The following SLC38A8 variants were observed in gnomAD, a reference collection of about 807,000 sequenced individuals.
The protein encoded by SLC38A8 is amino acid transporter SLC38A8.
SLC38A8 carries 65 observed loss-of-function variants against 46.0 expected under a neutral mutation model. The ratio of observed to expected loss-of-function variants is 1.41; its 90% confidence interval spans 1.16 to 1.74. SLC38A8 has a LOEUF of 1.74. SLC38A8 is among the 40% of genes most tolerant of loss of function. The probability of loss-of-function intolerance (pLI) is 0.00; values close to 1 mark genes in which losing one functional copy is unlikely to be tolerated. For missense variants in SLC38A8, 998 were observed against 567.9 expected (o/e 1.76, Z -7.70); for synonymous variants, 447 against 243.7 (o/e 1.83, Z -7.77).
At chr16:84,027,988 A>T (rs562804661) in intron 6 of SLC38A8, among the ~76,000 whole-genome samples, 2 of 152,174 alleles carry the variant, frequency 1.3e-5, no homozygotes, top group South Asian at 4.1e-4. Context: ...TGGCTTGCTG[A>T]GGCCCTGAAG....
chr16:84,040,435 G>T (rs2085354951), intron 2 of SLC38A8, among the ~76,000 whole-genome samples: 1 of 152,182 alleles, frequency 6.6e-6, no homozygotes, highest in African/African-American at 2.4e-5. Flanking sequence ...GGCCCACCCA[G>T]CCCTGCAGGG....
intron 9 of SLC38A8, among the ~76,000 whole-genome samples, chr16:84,014,201 G>A (rs116905648): frequency 4.0e-5 from 6 of 151,366 alleles, no homozygotes; most frequent in East Asian, 2.0e-4. Context: ...GCCAAGGGAG[G>A]AGCTGTGTAG....
intron 10 of SLC38A8, among the ~76,000 whole-genome samples, chr16:84,011,316 C>T (rs181621738): frequency 2.6e-5 from 4 of 152,326 alleles, no homozygotes; most frequent in Admixed American, 2.6e-4. Context: ...AGCATGAAGA[C>T]TCCGAAAAGC....
rs141831459 is a variant in SLC38A8 at position 84,039,177 on chromosome 16, A to G, written c.190-2277T>C. On this transcript the variant is annotated intron_variant, in intron 2 of 10. Transcript: ENST00000299709. ...CACCAGGAGCTCGAAGAGCCTTTGG[A>G]GGGAGCGAAGCCCTGCTGACACCTT... Among the ~76,000 whole-genome samples, 346 of 152,252 alleles carry G rather than the reference A, an allele frequency of 2.3e-3. 2 individuals are homozygous for G. Among genetic ancestry groups the G allele is most frequent in the African/African-American group, 8.2e-3 (340 of 41,550 alleles).
intron 6 of SLC38A8, 56 bp from the exon 7 acceptor site, chr16:84,022,945 C>CG (rs1162638087): frequency 3.9e-6 from 5 of 1,288,292 alleles, no homozygotes; most frequent in Non-Finnish European, 5.3e-6. Flanking sequence ...ACAGGCGATG[C>CG]GAAAAAAAAC....
rs1474748236 is a variant in SLC38A8, at chr16:84,016,559, G to A, written c.1122C>T (p.Ile374=). The change falls in exon 9 of 11, where the codon ATC becomes ATT. Residue 374 remains isoleucine (I), a synonymous_variant. Transcript: ENST00000299709. The part of the protein sequence containing the change: ...FMPDLSEIVS[I]IGGISSFFIF... ...TGAAGAAGGAACTGATGCCTCCGAT[G>A]ATGCTGACGATCTCGCTGAGGTCAG... is the stretch of plus-strand genomic sequence containing the variant. The A allele has an allele frequency of 4.3e-6, 7 of 1,614,108 alleles. No individual in the cohort carries two copies. The highest frequency in any genetic ancestry group is 5.9e-6 in the Non-Finnish European group (7 of 1,180,030).
intron 6 of SLC38A8, among the ~76,000 whole-genome samples, chr16:84,024,678 G>A (rs1413440839): frequency 6.6e-6 from 1 of 152,054 alleles, no homozygotes; most frequent in African/African-American, 2.4e-5. Context: ...TTACTTGGGA[G>A]GCTAAGGCAG....
Position 84,016,650 on chromosome 16 carries a change from A to G in SLC38A8, c.1031T>C (p.Leu344Pro), listed in dbSNP as rs775821503. 2 of 1,613,906 alleles carry G rather than the reference A, an allele frequency of 1.2e-6. No homozygotes were observed. The highest frequency in any genetic ancestry group is 3.3e-5 in the Admixed American group (2 of 60,026). ...GPSALADPSG[L>P]WVRMPLTILW... ...GATGGTCAGCGGCATCCGGACCCAC[A>G]GCCCTGAGGGGTCGGCCAGGGCGCT... Residue 344 changes from leucine to proline, a missense_variant, in exon 9 of 11, where the codon CTG (leucine) becomes CCG (proline). Leu to Pro is a moderately conservative substitution (Grantham distance 98, BLOSUM62 -3). Coordinates refer to ENST00000299709, the MANE Select transcript of SLC38A8 (RefSeq NM_001080442.3).
At chr16:84,010,888 G>A (rs1278082206) in intron 10 of SLC38A8, among the ~76,000 whole-genome samples, 1 of 152,168 alleles carries the variant, frequency 6.6e-6, no homozygotes, top group South Asian at 2.1e-4. Flanking sequence ...TCTCAGAGGG[G>A]TAGGGGACGA....
In SLC38A8 at chr16:84,033,445, G is replaced by T. The variant is rs1271843282; in HGVS notation, c.413C>A (p.Thr138Asn). Reference protein sequence around the residue: ...EKLCDSLLSGTPPAPQPWYAD... With the variant: ...EKLCDSLLSGNPPAPQPWYAD... The stretch of plus-strand genomic sequence containing the variant: ...GTACCACGGCTGCGGGGCGGGCGGG[G>T]TGCCAGACAGGAGGGAGTCACACAC... Residue 138 changes from threonine (T) to asparagine (N), a missense_variant, in exon 4 of 11, where the codon ACC becomes AAC. By Grantham distance (65) the Thr-to-Asn change is moderately conservative. Transcript: ENST00000299709. 6.2e-7 allele frequency: 1 copy of T among 1,609,508 alleles called. No homozygotes were observed. Among genetic ancestry groups the T allele is most frequent in the Admixed American group, 1.7e-5 (1 of 59,660 alleles).
Position 84,029,522 on chromosome 16 carries a change from A to T in SLC38A8, c.662T>A (p.Val221Asp), listed in dbSNP as rs191193863. Reference protein sequence around the residue: ...SPASWTSVFSVFPTICFGFQC... With the variant: ...SPASWTSVFSDFPTICFGFQC... ...AAACCCGAAGCAGATGGTGGGGAAG[A>T]CACTGAACACAGAGGTCCAGGAGGC... Residue 221 changes from valine to aspartate, a missense_variant, in exon 6 of 11, where the codon GTC (valine) becomes GAC (aspartate). Val to Asp is a radical substitution (Grantham distance 152). Coordinates refer to ENST00000299709, the MANE Select transcript of SLC38A8 (RefSeq NM_001080442.3). 78 of 1,614,172 alleles carry T rather than the reference A, an allele frequency of 4.8e-5. No individual in the cohort carries two copies. In the East Asian group the frequency reaches 1.4e-3, roughly 30 times the overall value.
chr16:84,034,614 C>T (rs2085281266), intron 3 of SLC38A8, among the ~76,000 whole-genome samples: 2 of 152,190 alleles, frequency 1.3e-5, no homozygotes, highest in South Asian at 2.1e-4. Context: ...TTTGTTCTCA[C>T]TCAACAAGGG....
chr16:84,028,733 C>T (rs1487124282), intron 6 of SLC38A8, among the ~76,000 whole-genome samples: 2 of 143,228 alleles, frequency 1.4e-5, no homozygotes, highest in Middle Eastern at 3.5e-3. Context: ...TGCCACAGAG[C>T]CCTCTGCAGG....
intron 3 of SLC38A8, among the ~76,000 whole-genome samples, chr16:84,035,738 G>A (rs1410178075): frequency 6.6e-6 from 1 of 152,214 alleles, no homozygotes; most frequent in Admixed American, 6.5e-5. Context: ...TAATGCCAGA[G>A]ATAAAGAATA....
At chr16:84,038,692 C>T (rs2085330614) in intron 2 of SLC38A8, among the ~76,000 whole-genome samples, 1 of 152,232 alleles carries the variant, frequency 6.6e-6, no homozygotes, top group South Asian at 2.1e-4. Context: ...AACATCGCCA[C>T]ACCCCGGACG....
At chr16:84,041,583 G>A (rs773403057) in intron 2 of SLC38A8, among the ~76,000 whole-genome samples, 18 of 152,182 alleles carry the variant, frequency 1.2e-4, no homozygotes, top group Non-Finnish European at 2.2e-4. Flanking sequence ...AAAGGGCTGC[G>A]ATTATAGGCA....
At position 84,016,574 on chromosome 16, in the gene SLC38A8, G is replaced by C. The variant is rs61742702; in HGVS notation, c.1107C>G (p.Ser369Arg). Residue 369 changes from serine to arginine, a missense_variant, in exon 9 of 11, where the codon AGC becomes AGG. Coordinates refer to ENST00000299709, the MANE Select transcript of SLC38A8 (RefSeq NM_001080442.3). ...TGCCTCCGATGATGCTGACGATCTC[G>C]CTGAGGTCAGGCATAAACAGCGCCA... ...LAMALFMPDL[S>R]EIVSIIGGIS... is the part of the protein sequence containing the mutation. 11 of 1,613,962 alleles carry C rather than the reference G, an allele frequency of 6.8e-6. No homozygotes were observed. The highest frequency in any genetic ancestry group is 9.3e-6 in the Non-Finnish European group (11 of 1,180,028).
Position 84,022,761 on chromosome 16 carries a change from G to T in SLC38A8, c.805+14C>A. 1.2e-6 allele frequency: 2 copies of T among 1,609,592 alleles called. No individual in the cohort carries two copies. The highest frequency in any genetic ancestry group is 1.7e-6 in the Non-Finnish European group (2 of 1,176,096). On this transcript the variant is annotated intron_variant, in intron 7 of 10. Transcript: ENST00000299709. ...CTCCCCACCCTCTGCAGGGGTGCCTGGGAAGGGCCTTACCCGTCAGTGAAT... is the reference window on the plus strand; with the variant it reads ...CTCCCCACCCTCTGCAGGGGTGCCTTGGAAGGGCCTTACCCGTCAGTGAAT...
At chr16:84,012,786 G>A (rs2084969474) in intron 10 of SLC38A8, among the ~76,000 whole-genome samples, 2 of 152,218 alleles carry the variant, frequency 1.3e-5, no homozygotes, top group Admixed American at 6.5e-5. Flanking sequence ...GAGTGGAAGG[G>A]AAGGCCCTTG....
Sources: gnomAD v4.1 joint callset for allele counts (sites outside exome capture counted in the v4.1 genomes callset) on GRCh38, gnomAD v4.1.1 for gene constraint, MANE v1.5 for transcripts, NCBI Gene and HGNC (gene_info 2026-07-23, HGNC 2026-07-21) for gene names.